The following RBFOX3 variants were observed in gnomAD, a reference collection of about 807,000 sequenced individuals.
RBFOX3 encodes RNA binding fox-1 homolog 3, also known as RNA binding protein fox-1 homolog 3.
A neutral mutation model predicts 48.7 loss-of-function variants in RBFOX3; 17 were observed. The observed-to-expected ratio is 0.35, with a 90% CI of 0.24 to 0.52. The LOEUF (loss-of-function observed/expected upper bound fraction) is 0.52. Ranked by LOEUF, RBFOX3 falls within the 20% of genes least tolerant of loss-of-function variation. RBFOX3 has a pLI of 0.94. For synonymous variants in RBFOX3, 212 were observed against 209.5 expected, an observed-to-expected ratio of 1.01 and a Z score of -0.10; for missense variants, 382 against 497.5, an observed-to-expected ratio of 0.77 and a Z score of 2.21.
At chr17:79,233,366 G>A (rs984543389) in intron 4 of RBFOX3, among the ~76,000 whole-genome samples, 1 of 152,198 alleles carries the variant, frequency 6.6e-6, no homozygotes, top group Non-Finnish European at 1.5e-5. Context: ...GGTGGGGTGT[G>A]AGGAAGAGAT....
intron 4 of RBFOX3, among the ~76,000 whole-genome samples, chr17:79,143,143 C>T (rs150303304): frequency 1.6e-3 from 241 of 152,248 alleles, no homozygotes; most frequent in African/African-American, 5.6e-3. Context: ...TACCTTGGAC[C>T]CCACAAGAAG....
chr17:79,206,474 T>C (rs2057500014), intron 4 of RBFOX3, among the ~76,000 whole-genome samples: 1 of 152,142 alleles, frequency 6.6e-6, no homozygotes, highest in Non-Finnish European at 1.5e-5. Context: ...CTCAAGATGG[T>C]TGAGGCTGGC....
the RBFOX3 span, among the ~76,000 whole-genome samples, chr17:79,634,134 G>T: frequency 6.6e-6 from 1 of 152,194 alleles, no homozygotes; most frequent in Non-Finnish European, 1.5e-5. Context: ...AGCCCTGGAG[G>T]CCAGGGCCAC....
At chr17:79,148,034 T>C (rs7224492) in intron 4 of RBFOX3, among the ~76,000 whole-genome samples, 6,304 of 152,324 alleles carry the variant, frequency 0.041, 261 homozygotes, top group African/African-American at 0.11. Context: ...AGGGCGGATG[T>C]ACAGGGCCAG....
intron 2 of RBFOX3, among the ~76,000 whole-genome samples, chr17:79,325,509 C>T (rs1025201694): frequency 6.6e-6 from 1 of 152,168 alleles, no homozygotes; most frequent in Admixed American, 6.5e-5. Flanking sequence ...CTCAATCCTC[C>T]ATGTGGGAGA....
At chr17:79,119,759 G>A (rs888256057) in intron 4 of RBFOX3, among the ~76,000 whole-genome samples, 12 of 152,318 alleles carry the variant, frequency 7.9e-5, no homozygotes, top group African/African-American at 2.4e-4. Context: ...TGCCCTGTGT[G>A]TCCTCCACAG....
At chr17:79,516,320 G>A (rs1466549606) in intron 1 of RBFOX3, among the ~76,000 whole-genome samples, 1 of 152,176 alleles carries the variant, frequency 6.6e-6, no homozygotes, top group East Asian at 1.9e-4. Context: ...AAATGCCCAC[G>A]TGTGGCCACA....
intron 4 of RBFOX3, among the ~76,000 whole-genome samples, chr17:79,120,538 G>T (rs918537383): frequency 1.3e-5 from 2 of 151,572 alleles, no homozygotes; most frequent in African/African-American, 4.9e-5. Context: ...TGGGTGGATG[G>T]ATGAGTGCAT....
At chr17:79,358,503 C>G (rs1249679431) in intron 2 of RBFOX3, among the ~76,000 whole-genome samples, 1 of 152,200 alleles carries the variant, frequency 6.6e-6, no homozygotes, top group Non-Finnish European at 1.5e-5. Flanking sequence ...CCCTGTCACT[C>G]AGGCTGGAGT....
chr17:79,640,432 G>C, the RBFOX3 span, among the ~76,000 whole-genome samples: 1 of 152,040 alleles, frequency 6.6e-6, no homozygotes, highest in Non-Finnish European at 1.5e-5. Flanking sequence ...AAATCCCGAT[G>C]GCATTCTTTA....
At chr17:79,542,035 C>T (rs147073544) in intron 1 of RBFOX3, among the ~76,000 whole-genome samples, 20 of 142,308 alleles carry the variant, frequency 1.4e-4, no homozygotes, top group African/African-American at 5.0e-4. Context: ...TTGAGAGCGT[C>T]GACCTTTTTT....
intron 1 of RBFOX3, among the ~76,000 whole-genome samples, chr17:79,537,349 T>C (rs1045353381): frequency 2.6e-5 from 4 of 152,188 alleles, no homozygotes; most frequent in Admixed American, 6.5e-5. Context: ...GTTCTCCTCT[T>C]TTCTTAGAAG....
At chr17:79,449,622 A>AACAC (rs57480439) in intron 2 of RBFOX3, among the ~76,000 whole-genome samples, 6,279 of 144,560 alleles carry the variant, frequency 0.043, 161 homozygotes, top group Non-Finnish European at 0.052. Context: ...TGCACACATA[A>AACAC]ACACACACAC....
intron 2 of RBFOX3, among the ~76,000 whole-genome samples, chr17:79,432,731 A>G (rs1358742944): frequency 1.3e-5 from 2 of 152,210 alleles, no homozygotes; most frequent in African/African-American, 2.4e-5. Flanking sequence ...GGGAAAAAAA[A>G]AAAAGCTAAC....
chr17:79,652,373 G>A, the RBFOX3 span, among the ~76,000 whole-genome samples: 1 of 151,646 alleles, frequency 6.6e-6, no homozygotes. Flanking sequence ...TTGAGCCCAG[G>A]AGGTCAAGGC....
intron 1 of RBFOX3, among the ~76,000 whole-genome samples, chr17:79,560,757 C>G (rs1057182638): frequency 6.6e-6 from 1 of 152,240 alleles, no homozygotes; most frequent in Non-Finnish European, 1.5e-5. Context: ...CATGACAGCA[C>G]GGCCAGCGCG....
chr17:79,513,218 T>C (rs887180739), intron 1 of RBFOX3, among the ~76,000 whole-genome samples: 7 of 109,940 alleles, frequency 6.4e-5, no homozygotes, highest in East Asian at 3.2e-4. Flanking sequence ...AGGGGACACA[T>C]ACCTGGATAC....
chr17:79,264,502 G>A (rs1255691198), intron 3 of RBFOX3, among the ~76,000 whole-genome samples: 1 of 152,006 alleles, frequency 6.6e-6, no homozygotes, highest in Non-Finnish European at 1.5e-5. Flanking sequence ...ACTGCACCCG[G>A]CTCCTGCTGA....
intron 3 of RBFOX3, among the ~76,000 whole-genome samples, chr17:79,267,656 G>T (rs1227693618): frequency 6.6e-6 from 1 of 152,128 alleles, no homozygotes; most frequent in Non-Finnish European, 1.5e-5. Flanking sequence ...CTCCCAAAGT[G>T]CTGGGATTAC....
Sources: allele counts gnomAD v4.1 joint callset (sites outside exome capture counted in the v4.1 genomes callset), GRCh38; gene constraint gnomAD v4.1.1; transcripts MANE v1.5; gene names NCBI Gene and HGNC (gene_info 2026-07-23, HGNC 2026-07-21).